Variants in NF1 observed in about 807,000 individuals in gnomAD.
NF1 encodes the protein neurofibromin 1, also known as neurofibromin.
NF1 carries 122 observed loss-of-function variants against 325.7 expected under a neutral mutation model. The ratio of observed to expected loss-of-function variants is 0.37; its 90% CI spans 0.32 to 0.44. The LOEUF (loss-of-function observed/expected upper bound fraction) is 0.44. Among genes scored for constraint, NF1 ranks in the 20% least tolerant of loss-of-function variants. The pLI, the probability that NF1 is intolerant of heterozygous loss-of-function variation, is 1.00. For synonymous variants in NF1, 1,091 were observed against 1,186.0 expected, an observed-to-expected ratio of 0.92 and a Z score of 1.65; for missense variants, 2,140 against 3,415.4, an observed-to-expected ratio of 0.63 and a Z score of 9.31.
chr17:31,246,808 A>T (rs2067399147), intron 29 of NF1, among the ~76,000 whole-genome samples: 2 of 152,210 alleles, frequency 1.3e-5, no homozygotes, highest in African/African-American at 4.8e-5. Flanking sequence ...AATGATTGAT[A>T]ACTGATAGAG....
rs1555535159 is a variant in NF1, at chr17:31,340,509, C to T, written c.6926C>T (p.Ser2309Leu). The change falls in exon 47 of 58, where the codon TCG (serine) becomes TTG (leucine). Residue 2309 changes from serine (S) to leucine (L), a missense_variant. By Grantham distance (145) the Ser-to-Leu change is moderately radical. Coordinates refer to ENST00000358273, the MANE Select transcript of NF1 (RefSeq NM_001042492.3). The part of the protein sequence containing the change: ...TKLQPLLNKD[S>L]PLHKALFWVA... ...CAAACATATCTTCTTTGCCAGGACTCGCCTCTGCACAAAGCCCTCTTTTGG... is the reference window on the plus strand; with the variant it reads ...CAAACATATCTTCTTTGCCAGGACTTGCCTCTGCACAAAGCCCTCTTTTGG... 5 of 1,614,160 alleles carry T rather than the reference C, an allele frequency of 3.1e-6. No homozygotes were observed. The highest frequency in any genetic ancestry group is 4.2e-6 in the Non-Finnish European group (5 of 1,180,020).
intron 8 of NF1, among the ~76,000 whole-genome samples, chr17:31,195,027 C>T (rs181970722): frequency 2.0e-5 from 3 of 151,888 alleles, no homozygotes; most frequent in East Asian, 1.9e-4. Context: ...TTCTATGGCC[C>T]GGAATAATTT....
At chr17:31,194,375 G>A (rs2066399131) in intron 8 of NF1, among the ~76,000 whole-genome samples, 1 of 152,092 alleles carries the variant, frequency 6.6e-6, no homozygotes. Flanking sequence ...GAATACTACA[G>A]GCTGGGAAGG....
At chr17:31,158,025 A>G (rs577414349) in intron 2 of NF1, among the ~76,000 whole-genome samples, 1 of 152,234 alleles carries the variant, frequency 6.6e-6, no homozygotes, top group East Asian at 1.9e-4. Context: ...ACAGAACACT[A>G]AGTCTTATTC....
Position 31,163,464 on chromosome 17 carries a change from G to T in NF1, c.479+88G>T. 2.1e-6 allele frequency: 3 copies of T among 1,440,030 alleles called. No individual in the cohort carries two copies. The East Asian group carries it at 7.0e-5, about 33-fold the overall frequency. The allele number at this position is 1,440,030 out of a possible 1,614,324, so 89.2% of individuals were successfully genotyped here. On this transcript the variant is annotated intron_variant, in intron 4 of 57. Coordinates refer to ENST00000358273, the MANE Select transcript of NF1 (RefSeq NM_001042492.3). ...GTCTACATAAAAATAAAAAGTTAAT[G>T]GAAATGAGGTTTTTTTGTTTTTGAG...
chr17:31,104,656 C>T (rs1015665728), intron 1 of NF1, among the ~76,000 whole-genome samples: 10 of 152,072 alleles, frequency 6.6e-5, no homozygotes, highest in African/African-American at 2.4e-4. Flanking sequence ...AGTGGTTTTA[C>T]GTTGTAGTGA....
intron 48 of NF1, among the ~76,000 whole-genome samples, chr17:31,343,485 C>A (rs1400765482): frequency 1.3e-5 from 2 of 152,256 alleles, no homozygotes; most frequent in South Asian, 4.1e-4. Context: ...GTCGAGGCTA[C>A]AGTGAGCCGT....
chr17:31,350,109 T>C, intron 49 of NF1, 74 bp from the exon 50 acceptor site: 1 of 1,524,750 alleles, frequency 6.6e-7, no homozygotes, highest in Non-Finnish European at 9.1e-7. Flanking sequence ...TAGGAGACTG[T>C]AAGAAGTTCA....
chr17:31,340,469 T>C (rs747718725), intron 46 of NF1, 36 bp from the exon 47 acceptor site: 2 of 1,614,006 alleles, frequency 1.2e-6, no homozygotes, highest in East Asian at 4.5e-5. Flanking sequence ...ATGTCATGAT[T>C]CATCTTACTA....
chr17:31,355,181 G>T (rs1251640996), intron 51 of NF1, among the ~76,000 whole-genome samples: 1 of 152,260 alleles, frequency 6.6e-6, no homozygotes, highest in East Asian at 1.9e-4. Flanking sequence ...CTTCCAGGAA[G>T]AATGCAGAGA....
rs2067021817 is a variant in NF1 at position 31,226,699 on chromosome 17, T to G, written c.2251+15T>G. ...GATGTCAACAGGTAAATGTGAATAG[T>G]GGTTTTTTTTACTCAGTCTGCCTCA... is the stretch of plus-strand genomic sequence containing the variant. On this transcript the variant is annotated intron_variant, in intron 18 of 57. Transcript: ENST00000358273. 1.9e-6 allele frequency: 3 copies of G among 1,613,280 alleles called. No homozygotes were observed. Among genetic ancestry groups the G allele is most frequent in the Non-Finnish European group, 1.7e-6 (2 of 1,179,746 alleles).
At chr17:31,168,960 A>C in intron 4 of NF1, among the ~76,000 whole-genome samples, 1 of 152,166 alleles carries the variant, frequency 6.6e-6, no homozygotes. Context: ...CTTGCAATAC[A>C]GTCCATGTAG....
At chr17:31,115,014 A>T (rs969098700) in intron 1 of NF1, among the ~76,000 whole-genome samples, 4 of 152,208 alleles carry the variant, frequency 2.6e-5, no homozygotes, top group Non-Finnish European at 5.9e-5. Context: ...CTTTGTCCCC[A>T]TTATGTAGCA....
intron 36 of NF1, among the ~76,000 whole-genome samples, chr17:31,283,457 T>C (rs564027974): frequency 6.5e-4 from 96 of 148,532 alleles, no homozygotes; most frequent in South Asian, 1.5e-3. Flanking sequence ...CCAGTTTTTT[T>C]GTTTTTGTTT....
chr17:31,108,734 T>A (rs549457832), intron 1 of NF1, among the ~76,000 whole-genome samples: 4 of 152,328 alleles, frequency 2.6e-5, no homozygotes, highest in African/African-American at 9.6e-5. Context: ...ATACTGACTT[T>A]AAGAGCTGTG....
chr17:31,109,994 A>G (rs975284716), intron 1 of NF1, among the ~76,000 whole-genome samples: 1 of 152,134 alleles, frequency 6.6e-6, no homozygotes, highest in African/African-American at 2.4e-5. Context: ...CAGGCACGCT[A>G]GTTTCTTTAG....
chr17:31,325,777 A>T, intron 36 of NF1, 43 bp from the exon 37 acceptor site: 1 of 1,464,528 alleles, frequency 6.8e-7, no homozygotes, highest in Non-Finnish European at 9.6e-7. Context: ...TATTTATTTT[A>T]AACACTGCTA....
rs1954017367 is a variant in NF1, at chr17:31,223,431, T to C, written c.1722-13T>C. The C allele has an allele frequency of 1.9e-6, 3 of 1,610,620 alleles. No homozygotes were observed. The highest frequency in any genetic ancestry group is 1.1e-5 in the South Asian group (1 of 90,844). ...TGATGATGCTAGTAACAATGAACTTTATGTTACTGCAGCTCACAAATGCTT... is the reference window on the plus strand; with the variant it reads ...TGATGATGCTAGTAACAATGAACTTCATGTTACTGCAGCTCACAAATGCTT... On this transcript the variant is annotated splice_polypyrimidine_tract_variant and intron_variant, in intron 15 of 57. Coordinates refer to ENST00000358273, the MANE Select transcript of NF1 (RefSeq NM_001042492.3).
At chr17:31,198,654 G>A (rs949002595) in intron 8 of NF1, among the ~76,000 whole-genome samples, 2 of 151,604 alleles carry the variant, frequency 1.3e-5, no homozygotes, top group East Asian at 1.9e-4. Context: ...TTGCTCTTTC[G>A]CACAGGCTGG....
Sources: allele counts gnomAD v4.1 joint callset (sites outside exome capture counted in the v4.1 genomes callset), GRCh38; gene constraint gnomAD v4.1.1; transcripts MANE v1.5; gene names NCBI Gene and HGNC (gene_info 2026-07-23, HGNC 2026-07-21).